SASH1: variants seen among roughly 807,000 people sequenced by gnomAD.
The protein encoded by SASH1 is SAM and SH3 domain containing 1.
Under a neutral mutation model 125.2 loss-of-function variants are expected in SASH1, and 44 were observed. The ratio of observed to expected loss-of-function variants is 0.35; its 90% CI spans 0.28 to 0.45. The LOEUF (loss-of-function observed/expected upper bound fraction) is 0.45. Ranked by LOEUF, SASH1 falls within the 20% of genes least tolerant of loss-of-function variation. The pLI is 1.00. For missense variants in SASH1, 1,426 were observed against 1,614.5 expected (o/e 0.88, Z 2.00); for synonymous variants, 639 against 649.1 (o/e 0.98, Z 0.24).
rs762531654 is a variant in SASH1 at position 148,538,774 on chromosome 6, C to CT, written c.2096-1662dup. Among the ~76,000 whole-genome samples, 44 of 152,024 alleles carry CT rather than the reference C, an allele frequency of 2.9e-4. 1 individual carries two copies. Among genetic ancestry groups the CT allele is most frequent in the Admixed American group, 2.8e-3 (43 of 15,262 alleles). ...CATCACATTTCTGGCTTATTGATTT[C>CT]TTTTTTTCTTTGTGTATGTGGTTGG... On this transcript the variant is annotated intron_variant, in intron 16 of 19. Coordinates refer to ENST00000367467, the MANE Select transcript of SASH1 (RefSeq NM_015278.5).
chr6:148,435,158 GGAGACCAGTCTGGCCAA>G (rs1368300734), intron 2 of SASH1, among the ~76,000 whole-genome samples: 2 of 152,034 alleles, frequency 1.3e-5, no homozygotes, highest in East Asian at 1.9e-4. Context: ...GTCGGAAGTT[GGAGACCAGTCTGGCCAA>G]GAGACCAGCC....
At chr6:148,423,772 C>T (rs1410301257) in intron 2 of SASH1, among the ~76,000 whole-genome samples, 5 of 152,214 alleles carry the variant, frequency 3.3e-5, no homozygotes, top group South Asian at 4.1e-4. Flanking sequence ...AGGAAACACT[C>T]GTTGAATAGA....
chr6:148,229,415 C>A, the SASH1 span, among the ~76,000 whole-genome samples: 3 of 151,722 alleles, frequency 2.0e-5, no homozygotes, highest in African/African-American at 7.3e-5. Context: ...AATTAACATT[C>A]GGGCAAAAAG....
intron 1 of SASH1, among the ~76,000 whole-genome samples, chr6:148,277,713 G>A (rs911236055): frequency 2.0e-5 from 3 of 151,184 alleles, no homozygotes; most frequent in Non-Finnish European, 2.9e-5. Context: ...AATATGCAGG[G>A]TTTTGTTTTG....
chr6:148,273,556 A>T (rs1779114690), intron 1 of SASH1, among the ~76,000 whole-genome samples: 1 of 151,578 alleles, frequency 6.6e-6, no homozygotes, highest in Admixed American at 6.6e-5. Flanking sequence ...AGCCTCCCAA[A>T]GTGCTGGGAT....
intron 4 of SASH1, among the ~76,000 whole-genome samples, chr6:148,448,759 T>C (rs1424476062): frequency 6.6e-6 from 1 of 152,204 alleles, no homozygotes; most frequent in African/African-American, 2.4e-5. Flanking sequence ...TTACAGCCTC[T>C]TGCTGAAAAA....
chr6:148,328,404 C>A (rs1371065508), intron 1 of SASH1, among the ~76,000 whole-genome samples: 1 of 152,106 alleles, frequency 6.6e-6, no homozygotes, highest in African/African-American at 2.4e-5. Flanking sequence ...ACCGGCCTGG[C>A]TAACATGGTG....
Position 148,540,519 on chromosome 6 carries a change from C to T in SASH1, c.2172C>T (p.Asp724=). 2 of 1,614,080 alleles carry T rather than the reference C, an allele frequency of 1.2e-6. No individual in the cohort carries two copies. The highest frequency in any genetic ancestry group is 1.7e-6 in the Non-Finnish European group (2 of 1,179,988). The part of the protein sequence containing the change: ...SQGLSGCSPR[D]SGCYESSENL... ...GCCTGAGTGGATGCTCACCCCGAGACTCAGGATGCTACGAAAGCAGTGAGA... is the reference window on the plus strand; with the variant it reads ...GCCTGAGTGGATGCTCACCCCGAGATTCAGGATGCTACGAAAGCAGTGAGA... Residue 724 remains aspartate, a synonymous_variant, in exon 17 of 20, where the codon GAC becomes GAT. Transcript: ENST00000367467.
At chr6:148,451,975 G>A (rs1777120844) in intron 4 of SASH1, among the ~76,000 whole-genome samples, 3 of 152,120 alleles carry the variant, frequency 2.0e-5, no homozygotes. Context: ...ATGGGAGTGA[G>A]GATGTCACAC....
chr6:148,402,622 T>TC (rs1288135499), intron 2 of SASH1, among the ~76,000 whole-genome samples: 6 of 150,240 alleles, frequency 4.0e-5, no homozygotes, highest in Non-Finnish European at 5.9e-5. Context: ...AATGACATTT[T>TC]TTTTTTTTTG....
chr6:148,286,516 C>G (rs1261570575), intron 1 of SASH1, among the ~76,000 whole-genome samples: 3 of 152,082 alleles, frequency 2.0e-5, no homozygotes, highest in African/African-American at 7.2e-5. Context: ...TCTCACTGTC[C>G]CAGAGGCTTG....
At chr6:148,269,983 C>G (rs77356239), upstream of SASH1, among the ~76,000 whole-genome samples, 7,203 of 152,162 alleles carry the variant, frequency 0.047, 326 homozygotes, top group South Asian at 0.18. Flanking sequence ...TCCCAGTATA[C>G]AATTATTTTC....
chr6:148,400,719 G>A (rs1784136437), intron 2 of SASH1, among the ~76,000 whole-genome samples: 1 of 152,084 alleles, frequency 6.6e-6, no homozygotes, highest in Non-Finnish European at 1.5e-5. Flanking sequence ...CCACTACACT[G>A]CAGCCTGGGC....
At chr6:148,418,237 G>A (rs1583122988) in intron 2 of SASH1, among the ~76,000 whole-genome samples, 1 of 152,058 alleles carries the variant, frequency 6.6e-6, no homozygotes, top group Admixed American at 6.6e-5. Flanking sequence ...TATTTAAGAG[G>A]GAATTTTCAA....
chr6:148,241,516 T>A, the SASH1 span, among the ~76,000 whole-genome samples: 1 of 152,172 alleles, frequency 6.6e-6, no homozygotes, highest in Non-Finnish European at 1.5e-5. Flanking sequence ...ATAGACCCCT[T>A]GAATTGTGTC....
intron 13 of SASH1, among the ~76,000 whole-genome samples, 157 bp downstream of exon 13, chr6:148,531,818 C>T (rs556248699): frequency 1.3e-5 from 2 of 152,138 alleles, no homozygotes; most frequent in African/African-American, 4.8e-5. Context: ...GACTCAGAGT[C>T]GTGTTTGTTT....
At chr6:148,365,419 T>TG (rs1403933662) in intron 1 of SASH1, among the ~76,000 whole-genome samples, 1 of 151,882 alleles carries the variant, frequency 6.6e-6, no homozygotes, top group Non-Finnish European at 1.5e-5. Context: ...TATCTTTTTT[T>TG]TTTTTTTAAC....
intron 8 of SASH1, among the ~76,000 whole-genome samples, chr6:148,504,713 G>A (rs200405483): frequency 1.1e-5 from 1 of 94,394 alleles, no homozygotes; most frequent in African/African-American, 6.1e-5. Flanking sequence ...ATTTATGGGT[G>A]GGCACTAGGA....
At chr6:148,294,079 G>A (rs1444560164) in intron 1 of SASH1, among the ~76,000 whole-genome samples, 1 of 152,194 alleles carries the variant, frequency 6.6e-6, no homozygotes, top group Non-Finnish European at 1.5e-5. Context: ...ATATGACTAT[G>A]TCAGCCACAC....
Sources: gnomAD v4.1 joint callset for allele counts (sites outside exome capture counted in the v4.1 genomes callset) on GRCh38, gnomAD v4.1.1 for gene constraint, MANE v1.5 for transcripts, NCBI Gene and HGNC (gene_info 2026-07-23, HGNC 2026-07-21) for gene names.